Variants in COP1 observed in about 807,000 individuals in gnomAD.
COP1 encodes the protein E3 ubiquitin-protein ligase COP1.
Under a neutral mutation model 101.3 loss-of-function variants are expected in COP1, and 24 were observed. That is an observed-to-expected ratio of 0.24 (90% CI 0.17 to 0.33). The LOEUF (loss-of-function observed/expected upper bound fraction) is 0.33, where lower values mean the gene tolerates loss of function less well. COP1 is among the 10% of genes least tolerant of loss of function. COP1 has a pLI of 1.00. For synonymous variants in COP1, 347 were observed against 341.9 expected (o/e 1.01, Z -0.17); for missense variants, 663 against 906.2 (o/e 0.73, Z 3.45).
At chr1:176,043,404 G>A (rs953195620) in intron 13 of COP1, 137 bp from the exon 14 acceptor site, 1 of 584,734 alleles carries the variant, frequency 1.7e-6, no homozygotes, top group East Asian at 2.8e-5. Flanking sequence ...CAAATGAAAA[G>A]CAAATAAGAT....
At chr1:176,023,731 A>G (rs1026344325) in intron 15 of COP1, among the ~76,000 whole-genome samples, 15 of 150,674 alleles carry the variant, frequency 1.0e-4, no homozygotes, top group Non-Finnish European at 1.6e-4. Flanking sequence ...AAAAAAAAAA[A>G]AAAAAAAAGA....
At chr1:176,104,783 T>G (rs1684030555) in intron 9 of COP1, among the ~76,000 whole-genome samples, 1 of 152,136 alleles carries the variant, frequency 6.6e-6, no homozygotes, top group African/African-American at 2.4e-5. Flanking sequence ...CAATCCCACT[T>G]CTAGGTATTT....
chr1:176,134,758 T>C (rs988781762), intron 8 of COP1, among the ~76,000 whole-genome samples: 1 of 152,086 alleles, frequency 6.6e-6, no homozygotes, highest in African/African-American at 2.4e-5. Flanking sequence ...TATCATTACT[T>C]TAAGAAATTC....
chr1:176,021,318 C>T (rs1013954744), intron 15 of COP1, among the ~76,000 whole-genome samples: 3 of 152,132 alleles, frequency 2.0e-5, no homozygotes, highest in Non-Finnish European at 2.9e-5. Context: ...AAAAAACACA[C>T]TCAAAAAGTA....
chr1:176,169,370 T>C (rs751447289), intron 3 of COP1, among the ~76,000 whole-genome samples: 13 of 152,114 alleles, frequency 8.5e-5, no homozygotes, highest in Non-Finnish European at 1.8e-4. Flanking sequence ...AATAACAACA[T>C]AGGAAACATA....
At chr1:175,991,858 G>C (rs1475150563) in intron 15 of COP1, among the ~76,000 whole-genome samples, 1 of 152,150 alleles carries the variant, frequency 6.6e-6, no homozygotes, top group African/African-American at 2.4e-5. Flanking sequence ...GTAATGATAT[G>C]CATAGAGATG....
At chr1:176,001,045 TA>T (rs1232361332) in intron 15 of COP1, among the ~76,000 whole-genome samples, 38 of 152,250 alleles carry the variant, frequency 2.5e-4, no homozygotes, top group African/African-American at 8.9e-4. Context: ...ATTTTAGAAT[TA>T]CTATTTTAGT....
intron 11 of COP1, among the ~76,000 whole-genome samples, chr1:176,058,728 T>C (rs1272504805): frequency 6.9e-6 from 1 of 145,772 alleles, no homozygotes; most frequent in Non-Finnish European, 1.5e-5. Flanking sequence ...AATCCCCCTC[T>C]GCGAGAAACA....
intron 15 of COP1, among the ~76,000 whole-genome samples, chr1:176,019,570 C>T (rs879183837): frequency 6.6e-6 from 1 of 150,458 alleles, no homozygotes; most frequent in Non-Finnish European, 1.5e-5. Flanking sequence ...ATCAAAACAT[C>T]ACTAACAGGG....
chr1:176,124,300 C>T (rs1687647407), intron 8 of COP1, among the ~76,000 whole-genome samples: 2 of 151,898 alleles, frequency 1.3e-5, no homozygotes, highest in Non-Finnish European at 2.9e-5. Context: ...TTTAAATGTA[C>T]AATTAAATTA....
chr1:175,984,737 C>T lies in COP1; in HGVS notation c.2133+2206G>A, dbSNP rs766468057. On this transcript the variant is annotated intron_variant, in intron 18 of 19. Coordinates refer to ENST00000367669, the MANE Select transcript of COP1 (RefSeq NM_022457.7). ...ACAGTGGTGGAGGTCTCCAAGACTA[C>T]GGGAACCCACCTCTTGCATCAGTGT... is the stretch of plus-strand genomic sequence containing the variant. Among the ~76,000 whole-genome samples, 4 of 152,220 alleles carry T rather than the reference C, an allele frequency of 2.6e-5. No homozygotes were observed. In the South Asian group the frequency reaches 6.2e-4, roughly 24 times the overall value.
intron 18 of COP1, among the ~76,000 whole-genome samples, chr1:175,961,650 TG>T (rs1242801909): frequency 7.0e-6 from 1 of 143,410 alleles, no homozygotes; most frequent in Non-Finnish European, 1.5e-5. Context: ...GGGCCTGAAT[TG>T]GGCCACTGCA....
At chr1:176,110,997 CA>C (rs1685185711) in intron 9 of COP1, among the ~76,000 whole-genome samples, 1 of 151,964 alleles carries the variant, frequency 6.6e-6, no homozygotes, top group South Asian at 2.1e-4. Flanking sequence ...ACTAAAAATA[CA>C]AAAATTAGCT....
chr1:176,012,211 G>T (rs1326398713), intron 15 of COP1, among the ~76,000 whole-genome samples: 1 of 152,206 alleles, frequency 6.6e-6, no homozygotes, highest in Non-Finnish European at 1.5e-5. Context: ...ATGGCTCACT[G>T]CAGCCTCGAC....
chr1:176,037,766 A>G (rs1669825741), intron 14 of COP1, among the ~76,000 whole-genome samples: 3 of 152,190 alleles, frequency 2.0e-5, no homozygotes, highest in South Asian at 4.1e-4. Flanking sequence ...TCAGCAAACA[A>G]GGGAATGGAA....
chr1:176,204,417 G>A (rs1426329572), intron 1 of COP1, among the ~76,000 whole-genome samples: 1 of 151,710 alleles, frequency 6.6e-6, no homozygotes, highest in African/African-American at 2.4e-5. Context: ...TTTGACCTTG[G>A]GGCATACAAG....
At chr1:176,007,552 T>A (rs1354395598) in intron 15 of COP1, among the ~76,000 whole-genome samples, 1 of 150,956 alleles carries the variant, frequency 6.6e-6, no homozygotes, top group African/African-American at 2.4e-5. Flanking sequence ...TTGGTAGTTT[T>A]CCTTCTAACA....
chr1:176,041,146 T>G (rs184038385), intron 14 of COP1, among the ~76,000 whole-genome samples: 1 of 152,136 alleles, frequency 6.6e-6, no homozygotes, highest in Admixed American at 6.5e-5. Flanking sequence ...ATGCAGCACA[T>G]AGAGATTTCT....
intron 9 of COP1, among the ~76,000 whole-genome samples, chr1:176,089,360 CAAT>C (rs1374253996): frequency 6.6e-6 from 1 of 151,892 alleles, no homozygotes; most frequent in Non-Finnish European, 1.5e-5. Context: ...GATTAAGAGG[CAAT>C]AATATACACA....
Sources: gnomAD v4.1 joint callset for allele counts (sites outside exome capture counted in the v4.1 genomes callset) on GRCh38, gnomAD v4.1.1 for gene constraint, MANE v1.5 for transcripts, NCBI Gene and HGNC (gene_info 2026-07-23, HGNC 2026-07-21) for gene names.